PLPPR1: variants seen among roughly 807,000 people sequenced by gnomAD.
The protein encoded by PLPPR1 is phospholipid phosphatase related 1, also known as phospholipid phosphatase-related protein type 1.
A neutral mutation model predicts 33.1 loss-of-function variants in PLPPR1; 10 were observed. The ratio of observed to expected loss-of-function variants is 0.30; its 90% CI spans 0.19 to 0.51. The LOEUF (loss-of-function observed/expected upper bound fraction) is 0.51, where lower values mean the gene tolerates loss of function less well. Ranked by LOEUF, PLPPR1 falls within the 20% of genes least tolerant of loss-of-function variation. PLPPR1 has a pLI of 0.97. For missense variants in PLPPR1, 304 were observed against 408.1 expected (o/e 0.74, Z 2.20); for synonymous variants, 151 against 151.0 (o/e 1.00, Z 0.00).
chr9:101,198,033 A>G (rs1217758204), intron 2 of PLPPR1, among the ~76,000 whole-genome samples: 1 of 152,194 alleles, frequency 6.6e-6, no homozygotes, highest in Non-Finnish European at 1.5e-5. Flanking sequence ...AGTCTTGTTT[A>G]GGAAAATAAA....
intron 4 of PLPPR1, among the ~76,000 whole-genome samples, chr9:101,286,698 A>G (rs982269100): frequency 6.6e-6 from 1 of 152,206 alleles, no homozygotes; most frequent in Non-Finnish European, 1.5e-5. Flanking sequence ...TCAAAGTTGG[A>G]AAACAAATAC....
chr9:101,205,065 T>A (rs1347968080), intron 2 of PLPPR1, among the ~76,000 whole-genome samples: 1 of 152,108 alleles, frequency 6.6e-6, no homozygotes, highest in Admixed American at 6.5e-5. Context: ...AAGAATGGAG[T>A]CATTACTGCT....
intron 2 of PLPPR1, among the ~76,000 whole-genome samples, chr9:101,190,668 T>G (rs868173864): frequency 1.3e-5 from 2 of 152,110 alleles, no homozygotes; most frequent in African/African-American, 4.8e-5. Flanking sequence ...CCCAGAAGGC[T>G]GAAATAGTGG....
At position 101,272,884 on chromosome 9, in the gene PLPPR1, A is replaced by G. The variant is rs183380484; in HGVS notation, c.252+2816A>G. Among the ~76,000 whole-genome samples the G allele has an allele frequency of 5.1e-3, 776 of 152,324 alleles. 9 individuals are homozygous for G. The highest frequency in any genetic ancestry group is 5.8e-3 in the Non-Finnish European group (396 of 68,018). On this transcript the variant is annotated intron_variant, in intron 3 of 7. Coordinates refer to ENST00000374874, the MANE Select transcript of PLPPR1 (RefSeq NM_207299.2). ...TTTGTTAAAGATGTATTAAGAGCTT[A>G]ATAAACTTCAGACCCAGTCATTAAT...
intron 3 of PLPPR1, among the ~76,000 whole-genome samples, chr9:101,283,600 T>C (rs1828340302): frequency 6.6e-6 from 1 of 152,164 alleles, no homozygotes; most frequent in Non-Finnish European, 1.5e-5. Context: ...GGGCAATAAT[T>C]TTCTGGATAT....
intron 2 of PLPPR1, among the ~76,000 whole-genome samples, chr9:101,268,514 C>T (rs1314778676): frequency 2.6e-5 from 4 of 152,156 alleles, no homozygotes; most frequent in Non-Finnish European, 5.9e-5. Flanking sequence ...CCCCATCACT[C>T]TCTACCTTTT....
intron 3 of PLPPR1, among the ~76,000 whole-genome samples, chr9:101,275,123 ATGAAGCG>A (rs1238066364): frequency 2.6e-5 from 4 of 152,208 alleles, no homozygotes; most frequent in African/African-American, 9.6e-5. Flanking sequence ...ATGGAGTATA[ATGAAGCG>A]TGACGCCTCT....
chr9:101,296,873 C>A (rs1466642258), intron 4 of PLPPR1, among the ~76,000 whole-genome samples: 2 of 151,794 alleles, frequency 1.3e-5, no homozygotes, highest in Non-Finnish European at 2.9e-5. Flanking sequence ...GTGCGGCACA[C>A]CAGCATGTCA....
intron 1 of PLPPR1, among the ~76,000 whole-genome samples, chr9:101,033,283 G>A (rs1829967921): frequency 6.6e-6 from 1 of 152,190 alleles, no homozygotes. Context: ...ATAGCACTTC[G>A]GGTTTGACCA....
At chr9:101,313,003 T>C (rs780628266) in intron 6 of PLPPR1, 29 bp downstream of exon 6, 3 of 1,608,632 alleles carry the variant, frequency 1.9e-6, no homozygotes, top group Non-Finnish European at 8.5e-7. Flanking sequence ...TTTTACCTTT[T>C]CCCCCTCTTC....
intron 2 of PLPPR1, among the ~76,000 whole-genome samples, chr9:101,220,765 T>C (rs1295781487): frequency 3.9e-5 from 6 of 152,218 alleles, no homozygotes; most frequent in Non-Finnish European, 7.3e-5. Context: ...CTGGTTCTCA[T>C]TGAGTCATAT....
intron 1 of PLPPR1, among the ~76,000 whole-genome samples, chr9:101,042,822 C>T (rs188171546): frequency 4.3e-4 from 65 of 152,270 alleles, no homozygotes; most frequent in Non-Finnish European, 4.4e-5. Context: ...GATGAAGACA[C>T]ATACTTATCA....
intron 4 of PLPPR1, among the ~76,000 whole-genome samples, chr9:101,292,486 T>C (rs982499163): frequency 1.3e-5 from 2 of 152,178 alleles, no homozygotes; most frequent in African/African-American, 4.8e-5. Flanking sequence ...AGACACATAA[T>C]TGTCAGATTC....
chr9:101,323,872 G>A (rs1050818955), intron 7 of PLPPR1, among the ~76,000 whole-genome samples, 153 bp from the exon 8 acceptor site: 3 of 152,028 alleles, frequency 2.0e-5, no homozygotes, highest in Non-Finnish European at 4.4e-5. Flanking sequence ...AAGAGGTAAG[G>A]GAAATTCAGG....
chr9:101,155,172 G>C (rs1397613585), intron 1 of PLPPR1, among the ~76,000 whole-genome samples: 2 of 152,020 alleles, frequency 1.3e-5, no homozygotes, highest in Non-Finnish European at 2.9e-5. Context: ...TTGTTTTCCA[G>C]GCCATTTGAG....
chr9:101,268,968 T>C (rs1364003559), intron 2 of PLPPR1, among the ~76,000 whole-genome samples: 1 of 152,230 alleles, frequency 6.6e-6, no homozygotes, highest in Non-Finnish European at 1.5e-5. Context: ...CAGGAAGAAC[T>C]CTAAGATATC....
chr9:101,187,620 G>T (rs908581742), intron 2 of PLPPR1: 3 of 151,924 alleles, frequency 2.0e-5, no homozygotes, highest in African/African-American at 7.2e-5. Context: ...TGATTCTCAT[G>T]TATTTCATTC....
In PLPPR1 at chr9:101,312,794, C is replaced by G. The variant is rs757841139; in HGVS notation, c.637-4C>G. 6.2e-7 allele frequency: 1 copy of G among 1,613,674 alleles called. No individual in the cohort carries two copies. The highest frequency in any genetic ancestry group is 8.5e-7 in the Non-Finnish European group (1 of 1,179,844). ...GTCACTCCCTGGCCTCTGTCCTATT[C>G]CAGATGTATATTACAAGCACAATCA... is the stretch of plus-strand genomic sequence containing the variant. On this transcript the variant is annotated splice_region_variant and splice_polypyrimidine_tract_variant and intron_variant, in intron 5 of 7. Coordinates refer to ENST00000374874, the MANE Select transcript of PLPPR1 (RefSeq NM_207299.2).
chr9:101,207,365 A>T (rs1243063758), intron 2 of PLPPR1, among the ~76,000 whole-genome samples: 1 of 152,246 alleles, frequency 6.6e-6, no homozygotes, highest in African/African-American at 2.4e-5. Context: ...TTGTACCTAA[A>T]TTGGAAGAAC....
Sources: gnomAD v4.1 joint callset for allele counts (sites outside exome capture counted in the v4.1 genomes callset) on GRCh38, gnomAD v4.1.1 for gene constraint, MANE v1.5 for transcripts, NCBI Gene and HGNC (gene_info 2026-07-23, HGNC 2026-07-21) for gene names.